The following RIMS1 variants were observed in gnomAD, a reference collection of about 807,000 sequenced individuals.
RIMS1 encodes regulating synaptic membrane exocytosis protein 1.
In RIMS1, 83 loss-of-function variants were observed where a neutral mutation model predicts 214.1. That is an observed-to-expected ratio of 0.39 (90% confidence interval 0.32 to 0.47). The LOEUF is 0.47. Ranked by LOEUF, RIMS1 falls within the 20% of genes least tolerant of loss-of-function variation. RIMS1 has a pLI of 0.99. For missense variants in RIMS1, 2,050 were observed against 2,161.8 expected (o/e 0.95, Z 1.03); for synonymous variants, 793 against 786.8 (o/e 1.01, Z -0.13).
chr6:72,066,850 T>A (rs1390131500), intron 2 of RIMS1, among the ~76,000 whole-genome samples: 2 of 152,160 alleles, frequency 1.3e-5, no homozygotes, highest in Admixed American at 1.3e-4. Flanking sequence ...ATTTTCATAA[T>A]TTACCTAATT....
At chr6:72,082,181 G>A (rs998693227) in intron 2 of RIMS1, among the ~76,000 whole-genome samples, 2 of 152,070 alleles carry the variant, frequency 1.3e-5, no homozygotes, top group Non-Finnish European at 2.9e-5. Flanking sequence ...TAAGAATCTG[G>A]ATTCAATCTA....
intron 19 of RIMS1, chr6:72,264,145 C>T (rs2079339957): frequency 2.9e-6 from 1 of 350,558 alleles, no homozygotes; most frequent in Non-Finnish European, 4.0e-6. Context: ...ATTCCCTTCC[C>T]TCTTGATTAT....
intron 2 of RIMS1, among the ~76,000 whole-genome samples, chr6:72,069,433 T>C (rs1421357107): frequency 6.6e-6 from 1 of 152,240 alleles, no homozygotes; most frequent in Non-Finnish European, 1.5e-5. Flanking sequence ...AATTCAACAA[T>C]GTTTGTGATA....
intron 4 of RIMS1, among the ~76,000 whole-genome samples, chr6:72,167,703 T>C (rs1353356411): frequency 6.6e-6 from 1 of 152,118 alleles, no homozygotes. Context: ...CTATTCATGT[T>C]ACTGAATTTA....
chr6:72,106,648 ATTGT>A (rs780354331), intron 4 of RIMS1, among the ~76,000 whole-genome samples: 9 of 152,114 alleles, frequency 5.9e-5, no homozygotes, highest in Admixed American at 3.3e-4. Flanking sequence ...TGCTGTTTTT[ATTGT>A]TTGTTTGTTT....
chr6:71,973,142 T>C (rs1269097875), intron 2 of RIMS1, among the ~76,000 whole-genome samples: 1 of 152,068 alleles, frequency 6.6e-6, no homozygotes, highest in Non-Finnish European at 1.5e-5. Flanking sequence ...ACTCCTGACT[T>C]CGTGATCCGC....
chr6:72,022,169 T>C (rs1418072760), intron 2 of RIMS1, among the ~76,000 whole-genome samples: 1 of 152,208 alleles, frequency 6.6e-6, no homozygotes, highest in Non-Finnish European at 1.5e-5. Context: ...TGTTTTAACT[T>C]TAAGCTATAT....
In RIMS1 at chr6:72,250,976, A is replaced by T. The variant is rs201901272; in HGVS notation, c.2428A>T (p.Asn810Tyr). 6.5e-7 allele frequency: 1 copy of T among 1,550,228 alleles called. No homozygotes were observed. The highest frequency in any genetic ancestry group is 1.4e-5 in the African/African-American group (1 of 73,130). ...TVKKILEPKW[N>Y]QTFVYSHVHR... is the part of the protein sequence containing the mutation. ...AAAGAAAATACTAGAACCAAAATGG[A>T]ATCAAACTTTTGTCTATTCACATGT... The change falls in exon 14 of 34, where the codon AAT (asparagine) becomes TAT (tyrosine). Residue 810 changes from asparagine (N) to tyrosine (Y), a missense_variant. Physicochemically the swap from Asn to Tyr is moderately radical, Grantham distance 143 (BLOSUM62 -2). Transcript: ENST00000521978.
intron 23 of RIMS1, among the ~76,000 whole-genome samples, chr6:72,282,179 G>A (rs543222636): frequency 5.9e-5 from 9 of 152,132 alleles, no homozygotes; most frequent in African/African-American, 2.2e-4. Flanking sequence ...AGCACTGTGG[G>A]GACCAAGCAT....
chr6:72,235,552 C>A (rs574233178), intron 7 of RIMS1, 66 bp from the exon 8 acceptor site: 3 of 1,021,634 alleles, frequency 2.9e-6, no homozygotes, highest in African/African-American at 1.6e-5. Flanking sequence ...AGACTTCATT[C>A]TTTTTATAGC....
chr6:71,929,955 T>A (rs1037923953), intron 1 of RIMS1, among the ~76,000 whole-genome samples: 2 of 151,980 alleles, frequency 1.3e-5, no homozygotes, highest in Admixed American at 1.3e-4. Context: ...GAGGAAATAA[T>A]GAGTAATATT....
At chr6:72,213,602 G>A (rs985459300) in intron 6 of RIMS1, among the ~76,000 whole-genome samples, 1 of 151,930 alleles carries the variant, frequency 6.6e-6, no homozygotes, top group Non-Finnish European at 1.5e-5. Flanking sequence ...TGTGTTCCAT[G>A]CTTTACTATC....
In RIMS1 at chr6:72,333,520, A is replaced by G. The variant is rs1421382615; in HGVS notation, c.4131-80A>G. ...CCTAAAAATGTGTCTGGATTATTTC[A>G]AAATAAATTAGATTTAGAATTTCAG... On this transcript the variant is annotated intron_variant, in intron 28 of 33. Coordinates refer to ENST00000521978, the MANE Select transcript of RIMS1 (RefSeq NM_014989.7). 2.6e-6 allele frequency: 3 copies of G among 1,169,966 alleles called. No individual in the cohort carries two copies. The Admixed American group carries it at 6.2e-5, about 24-fold the overall frequency. The allele number at this position is 1,169,966 out of a possible 1,614,324, so 72.5% of individuals were successfully genotyped here.
At position 72,259,091 on chromosome 6, in the gene RIMS1, G is replaced by T. The variant is rs1218627777; in HGVS notation, c.3033G>T (p.Gln1011His). 6.2e-7 allele frequency: 1 copy of T among 1,612,466 alleles called. No individual in the cohort carries two copies. Residue 1011 changes from glutamine to histidine, a missense_variant, in exon 18 of 34, where the codon CAG becomes CAT. By Grantham distance (24) the Gln-to-His change is conservative. This residue lies in a region of RIMS1 where 889 missense variants were observed against 885.5 expected (regional missense o/e 1.00). Transcript: ENST00000521978. ...VDHRTRDVDS[Q>H]YLSEQDSELL... ...ATAGAACCAGAGATGTGGATAGTCA[G>T]TATTTATCAGAACAAGACAGGTATT...
intron 14 of RIMS1, 55 bp from the exon 15 acceptor site, chr6:72,251,160 A>G (rs760755530): frequency 6.9e-5 from 107 of 1,557,992 alleles, no homozygotes; most frequent in Middle Eastern, 1.7e-4. Context: ...TATGATTACT[A>G]TTACATTATG....
intron 24 of RIMS1, among the ~76,000 whole-genome samples, chr6:72,285,106 A>G (rs923026317): frequency 1.3e-5 from 2 of 152,170 alleles, no homozygotes; most frequent in African/African-American, 2.4e-5. Flanking sequence ...AGAAATTCTG[A>G]GAGGTTAAAT....
intron 31 of RIMS1, among the ~76,000 whole-genome samples, chr6:72,396,999 C>T (rs1360255858): frequency 6.6e-6 from 1 of 151,972 alleles, no homozygotes; most frequent in East Asian, 1.9e-4. Context: ...GACGACAGAG[C>T]AAGCCTCTGT....
In RIMS1 at chr6:72,154,628, C is replaced by T. The variant is rs559294958; in HGVS notation, c.472-24947C>T. Among the ~76,000 whole-genome samples the T allele has an allele frequency of 7.1e-5, 10 of 140,790 alleles. No individual in the cohort carries two copies. In the South Asian group the frequency reaches 2.1e-3, roughly 29 times the overall value. The allele number at this position is 140,790 out of a possible 152,430, so 92.4% of individuals were successfully genotyped here. ...TGACAACTACCCACAGATAAGAGTA[C>T]ATTTGTGAGAATCTAGGAGTTCACT... On this transcript the variant is annotated intron_variant, in intron 4 of 33. Coordinates refer to ENST00000521978, the MANE Select transcript of RIMS1 (RefSeq NM_014989.7).
chr6:72,334,112 G>C (rs1424962956), intron 29 of RIMS1, among the ~76,000 whole-genome samples: 1 of 151,762 alleles, frequency 6.6e-6, no homozygotes, highest in Non-Finnish European at 1.5e-5. Flanking sequence ...ATGCAAAGAA[G>C]TATTAAACAT....
Sources: gnomAD v4.1 joint callset for allele counts (sites outside exome capture counted in the v4.1 genomes callset) on GRCh38, gnomAD v4.1.1 for gene constraint, gnomAD v4.1.1 regional missense constraint, MANE v1.5 for transcripts, NCBI Gene and HGNC (gene_info 2026-07-23, HGNC 2026-07-21) for gene names.